The following NXPH1 variants were observed in gnomAD, a reference collection of about 807,000 sequenced individuals.
NXPH1 encodes the protein neurexophilin 1.
In NXPH1, 5 loss-of-function variants were observed where a neutral mutation model predicts 23.7. The observed-to-expected ratio is 0.21, with a 90% CI of 0.11 to 0.44. The LOEUF (loss-of-function observed/expected upper bound fraction) is 0.44. Among genes scored for constraint, NXPH1 ranks in the 20% least tolerant of loss-of-function variants. The probability of loss-of-function intolerance (pLI) is 0.99; values close to 1 mark genes in which losing one functional copy is unlikely to be tolerated. For missense variants in NXPH1, 324 were observed against 321.6 expected (o/e 1.01, Z -0.06); for synonymous variants, 144 against 122.2 (o/e 1.18, Z -1.18).
intron 2 of NXPH1, among the ~76,000 whole-genome samples, chr7:8,558,600 T>C (rs1156547993): frequency 1.3e-5 from 2 of 151,752 alleles, no homozygotes; most frequent in Non-Finnish European, 3.0e-5. Context: ...TTTAAACCTT[T>C]GAATGTGGCT....
Position 8,443,917 on chromosome 7 carries a change from C to G in NXPH1, c.54+8150C>G, listed in dbSNP as rs567221655. 2.0e-5 allele frequency among the ~76,000 whole-genome samples: 3 copies of G among 152,270 alleles called. No homozygotes were observed. In the South Asian group the frequency reaches 6.2e-4, roughly 32 times the overall value. ...TCATTCTCACACAACGTTGCCCTACCTCCCTCGCCGCTTGCCCTGGCCGCT... is the reference window on the plus strand; with the variant it reads ...TCATTCTCACACAACGTTGCCCTACGTCCCTCGCCGCTTGCCCTGGCCGCT... On this transcript the variant is annotated intron_variant, in intron 2 of 2. Transcript: ENST00000405863.
intron 2 of NXPH1, among the ~76,000 whole-genome samples, chr7:8,668,487 C>T (rs1820817139): frequency 6.6e-6 from 1 of 152,142 alleles, no homozygotes; most frequent in Non-Finnish European, 1.5e-5. Flanking sequence ...GTAGGCAAGC[C>T]TGATGCCTGG....
intron 2 of NXPH1, among the ~76,000 whole-genome samples, chr7:8,546,441 T>C (rs572921062): frequency 6.6e-6 from 1 of 151,518 alleles, no homozygotes; most frequent in East Asian, 2.0e-4. Context: ...CCTTAAAAAT[T>C]TGTCCCTTTA....
chr7:8,666,972 A>G (rs1660893041), intron 2 of NXPH1, among the ~76,000 whole-genome samples: 3 of 151,938 alleles, frequency 2.0e-5, no homozygotes, highest in Admixed American at 2.0e-4. Flanking sequence ...TTCATCTACT[A>G]TAGGTTTTTG....
chr7:8,654,213 T>G (rs10230008), intron 2 of NXPH1, among the ~76,000 whole-genome samples: 2 of 151,852 alleles, frequency 1.3e-5, no homozygotes, highest in Non-Finnish European at 2.9e-5. Context: ...TTTTGTAAAA[T>G]CAAACTCTGT....
intron 2 of NXPH1, among the ~76,000 whole-genome samples, chr7:8,731,162 T>C (rs1473176824): frequency 1.3e-5 from 2 of 152,102 alleles, no homozygotes; most frequent in South Asian, 2.1e-4. Context: ...ATTCTTCATG[T>C]AGTTCTCGAG....
In NXPH1 at chr7:8,435,345, C is replaced by T; in HGVS notation, c.-110-259C>T. The stretch of plus-strand genomic sequence containing the variant: ...GCACGCGGCTCAGTGTGCTCCGCCG[C>T]CTGGGAACTCGCACCCGAGGAGCGC... On this transcript the variant is annotated intron_variant, in intron 1 of 2. Coordinates refer to ENST00000405863, the MANE Select transcript of NXPH1 (RefSeq NM_152745.3). The surrounding 1 kb of genome is among the most constrained non-coding windows in gnomAD (Gnocchi z 5.9). The T allele has an allele frequency of 3.0e-6, 1 of 334,106 alleles. No individual in the cohort carries two copies. The highest frequency in any genetic ancestry group is 5.6e-6 in the Non-Finnish European group (1 of 178,632). 20.7% of individuals were successfully genotyped at this position (334,106 alleles called of 1,614,324 possible).
chr7:8,533,783 T>C (rs1817986973), intron 2 of NXPH1, among the ~76,000 whole-genome samples: 1 of 152,148 alleles, frequency 6.6e-6, no homozygotes, highest in African/African-American at 2.4e-5. Flanking sequence ...CTCCTAAGCA[T>C]GCATCCTGGT....
intron 2 of NXPH1, among the ~76,000 whole-genome samples, chr7:8,683,541 G>A (rs1821091328): frequency 6.6e-6 from 1 of 152,150 alleles, no homozygotes; most frequent in African/African-American, 2.4e-5. Flanking sequence ...AAATGATTCA[G>A]CCCAGTGTGC....
chr7:8,506,763 G>A (rs1057455840), intron 2 of NXPH1, among the ~76,000 whole-genome samples: 7 of 152,058 alleles, frequency 4.6e-5, no homozygotes, highest in Non-Finnish European at 7.4e-5. Context: ...ATATCAGGGG[G>A]AAGGAGTGAG....
At chr7:8,554,164 G>GA (rs1381517120) in intron 2 of NXPH1, among the ~76,000 whole-genome samples, 6 of 145,692 alleles carry the variant, frequency 4.1e-5, no homozygotes, top group Non-Finnish European at 9.0e-5. Context: ...CATGATGGAA[G>GA]AAAAAAGCAA....
At chr7:8,639,924 C>G (rs1012757133) in intron 2 of NXPH1, among the ~76,000 whole-genome samples, 9 of 152,162 alleles carry the variant, frequency 5.9e-5, no homozygotes, top group Admixed American at 5.2e-4. Flanking sequence ...TTCTCAGTTT[C>G]AGGTATGTTG....
At chr7:8,520,678 A>T (rs1025835455) in intron 2 of NXPH1, among the ~76,000 whole-genome samples, 2 of 132,844 alleles carry the variant, frequency 1.5e-5, no homozygotes, top group Non-Finnish European at 3.3e-5. Context: ...CAAGAAACTT[A>T]ACCTTTTCAG....
At chr7:8,638,552 C>G (rs1409998256) in intron 2 of NXPH1, among the ~76,000 whole-genome samples, 1 of 152,056 alleles carries the variant, frequency 6.6e-6, no homozygotes, top group Non-Finnish European at 1.5e-5. Flanking sequence ...CGAAGGAATG[C>G]CTTATTTAAG....
chr7:8,660,029 A>G (rs4725109), intron 2 of NXPH1, among the ~76,000 whole-genome samples: 96,450 of 151,950 alleles, frequency 0.63, 31,508 homozygotes, highest in Middle Eastern at 0.76. Flanking sequence ...ATCCTGCTTG[A>G]GAAAAACCCA....
At chr7:8,710,670 T>G (rs1228053514) in intron 2 of NXPH1, among the ~76,000 whole-genome samples, 1 of 106,852 alleles carries the variant, frequency 9.4e-6, no homozygotes, top group Non-Finnish European at 1.7e-5. Context: ...TTTTTTTTTT[T>G]TTTGAGACGG....
intron 2 of NXPH1, among the ~76,000 whole-genome samples, chr7:8,521,463 C>T (rs17150341): frequency 0.23 from 35,657 of 152,040 alleles, 4,307 homozygotes; most frequent in East Asian, 0.3. Context: ...TGGGCCAAGG[C>T]ATTGAATTGC....
intron 2 of NXPH1, among the ~76,000 whole-genome samples, chr7:8,733,665 C>T (rs950547440): frequency 1.3e-5 from 2 of 151,892 alleles, no homozygotes; most frequent in African/African-American, 4.8e-5. Context: ...GTTTTTTGGC[C>T]ACATAAATGT....
At chr7:8,445,282 C>A (rs1360998725) in intron 2 of NXPH1, among the ~76,000 whole-genome samples, 3 of 152,142 alleles carry the variant, frequency 2.0e-5, no homozygotes, top group Non-Finnish European at 2.9e-5. Context: ...AGAGAGGTCC[C>A]AATAAAGCGA....
Sources: allele counts gnomAD v4.1 joint callset (sites outside exome capture counted in the v4.1 genomes callset), GRCh38; gene constraint gnomAD v4.1.1; non-coding constraint Gnocchi (gnomAD v3.1); transcripts MANE v1.5; gene names NCBI Gene and HGNC (gene_info 2026-07-23, HGNC 2026-07-21).